Variants in A3GALT2 observed in about 807,000 individuals in gnomAD.
A3GALT2 encodes the protein alpha 1,3-galactosyltransferase 2.
In A3GALT2, 14 loss-of-function variants were observed where a neutral mutation model predicts 16.6. The observed-to-expected ratio is 0.84, with a 90% CI of 0.56 to 1.32. The LOEUF is 1.32. Ranked by LOEUF, A3GALT2 falls within the 40% of genes most tolerant of loss-of-function variation. A3GALT2 has a pLI of 0.00. For synonymous variants in A3GALT2, 253 were observed against 218.0 expected, an observed-to-expected ratio of 1.16 and a Z score of -1.42; for missense variants, 600 against 490.9, an observed-to-expected ratio of 1.22 and a Z score of -2.10.
chr1:33,312,375 T>C (rs1424049016), intron 3 of A3GALT2, 126 bp downstream of exon 3: 2 of 1,294,744 alleles, frequency 1.5e-6, no homozygotes, highest in Non-Finnish European at 2.1e-6. Flanking sequence ...CCGATGGGGC[T>C]GCTGGACTTG....
At chr1:33,308,910 C>T (rs868323161) in intron 4 of A3GALT2, among the ~76,000 whole-genome samples, 1 of 151,810 alleles carries the variant, frequency 6.6e-6, no homozygotes, top group African/African-American at 2.4e-5. Context: ...GCAGAGGACC[C>T]TGCGGCCTTC....
In A3GALT2 at chr1:33,308,461, A is replaced by C. The variant is rs374458638; in HGVS notation, c.336-1008T>G. Among the ~76,000 whole-genome samples the C allele has an allele frequency of 1.1e-4, 16 of 152,266 alleles. No individual in the cohort carries two copies. In the South Asian group the frequency reaches 3.3e-3, roughly 32 times the overall value. On this transcript the variant is annotated intron_variant, in intron 4 of 4. Coordinates refer to ENST00000442999, the MANE Select transcript of A3GALT2 (RefSeq NM_001080438.1). ...GCTCCTGTGGCCCAGGCTGGAGTAC[A>C]GTGGCGCTATCTCAGCTCACTACAA...
chr1:33,307,331 C>A lies in A3GALT2; in HGVS notation c.458G>T (p.Gly153Val). ...CTCCACGGGCAGCCGGCGTCCCGGG[C>A]CCAGCGCCACGCGGGGCACCGCTCC... is the stretch of plus-strand genomic sequence containing the variant. ...LPGAVPRVAL[G>V]PGRRLPVERV... The change falls in exon 5 of 5, where the codon GGC (glycine) becomes GTC (valine). Residue 153 changes from glycine to valine, a missense_variant. By Grantham distance (109) the Gly-to-Val change is moderately radical. Transcript: ENST00000442999. The A allele has an allele frequency of 6.5e-7, 1 of 1,529,598 alleles. No homozygotes were observed. The highest frequency in any genetic ancestry group is 8.7e-7 in the Non-Finnish European group (1 of 1,146,736). 94.8% of individuals were successfully genotyped at this position (1,529,598 alleles called of 1,614,324 possible).
Position 33,312,159 on chromosome 1 carries a change from G to T in A3GALT2, c.228C>A (p.Pro76=), listed in dbSNP as rs370380469. ...WARPEVLTCT[P]WGAPIIWDGS... ...CATCCCAAATAATGGGAGCCCCCCAGGGGGTACAGGTCAGAACTTCAGGCC... is the reference window on the plus strand; with the variant it reads ...CATCCCAAATAATGGGAGCCCCCCATGGGGTACAGGTCAGAACTTCAGGCC... The change falls in exon 4 of 5, where the codon CCC becomes CCA. Residue 76 remains proline (P), a synonymous_variant. Transcript: ENST00000442999. 3.1e-6 allele frequency: 5 copies of T among 1,613,300 alleles called. No individual in the cohort carries two copies. Among genetic ancestry groups the T allele is most frequent in the Non-Finnish European group, 4.2e-6 (5 of 1,179,778 alleles).
chr1:33,310,870 G>A (rs924697653), intron 4 of A3GALT2, among the ~76,000 whole-genome samples: 1 of 152,324 alleles, frequency 6.6e-6, no homozygotes, highest in East Asian at 1.9e-4. Context: ...GAGCACCGAG[G>A]CCTTGGGAGA....
At chr1:33,319,548 C>A (rs556237184) in intron 1 of A3GALT2, among the ~76,000 whole-genome samples, 1 of 152,302 alleles carries the variant, frequency 6.6e-6, no homozygotes, top group South Asian at 2.1e-4. Flanking sequence ...TCATTTTCTT[C>A]CATAAAGGGA....
At chr1:33,313,835 A>T (rs921301039) in intron 1 of A3GALT2, 1 of 152,140 alleles carries the variant, frequency 6.6e-6, no homozygotes, top group East Asian at 1.9e-4. Context: ...CATCTATAGG[A>T]TGGGGTAATA....
intron 4 of A3GALT2, among the ~76,000 whole-genome samples, chr1:33,308,471 T>C (rs1028613659): frequency 1.3e-5 from 2 of 152,142 alleles, no homozygotes; most frequent in Non-Finnish European, 2.9e-5. Flanking sequence ...AGTGGCGCTA[T>C]CTCAGCTCAC....
chr1:33,312,725 A>G, intron 2 of A3GALT2, 82 bp downstream of exon 2: 1 of 1,461,744 alleles, frequency 6.8e-7, no homozygotes, highest in Non-Finnish European at 9.4e-7. Flanking sequence ...ACTGCCCTCC[A>G]TCCCTCAAGG....
Position 33,307,327 on chromosome 1 carries a change from C to G in A3GALT2, c.462G>C (p.Pro154=), listed in dbSNP as rs750621057. ...CGCGCTCCACGGGCAGCCGGCGTCC[C>G]GGGCCCAGCGCCACGCGGGGCACCG... ...PGAVPRVALG[P]GRRLPVERVA... The change falls in exon 5 of 5, where the codon CCG becomes CCC. Residue 154 remains proline (P), a synonymous_variant. Coordinates refer to ENST00000442999, the MANE Select transcript of A3GALT2 (RefSeq NM_001080438.1). 3.3e-6 allele frequency: 5 copies of G among 1,517,102 alleles called. No homozygotes were observed. Among genetic ancestry groups the G allele is most frequent in the Non-Finnish European group, 4.4e-6 (5 of 1,141,912 alleles). The allele number at this position is 1,517,102 out of a possible 1,614,324, so 94.0% of individuals were successfully genotyped here.
intron 1 of A3GALT2, among the ~76,000 whole-genome samples, chr1:33,316,758 C>T (rs1646264093): frequency 6.6e-6 from 1 of 152,176 alleles, no homozygotes; most frequent in South Asian, 2.1e-4. Context: ...GGGGCTGGAG[C>T]CCAGAAGGCA....
chr1:33,310,100 G>A (rs1646226211), intron 4 of A3GALT2, among the ~76,000 whole-genome samples: 1 of 152,262 alleles, frequency 6.6e-6, no homozygotes, highest in African/African-American at 2.4e-5. Context: ...TCAGGAGCTG[G>A]AGACCAGCCC....
Position 33,306,964 on chromosome 1 carries a change from GC to G in A3GALT2, c.824del (p.Gly275AlafsTer?). 3 of 1,501,490 alleles carry G rather than the reference GC, an allele frequency of 2.0e-6. No homozygotes were observed. Among genetic ancestry groups the G allele is most frequent in the South Asian group, 1.3e-5 (1 of 79,868 alleles). 93.0% of individuals were successfully genotyped at this position (1,501,490 alleles called of 1,614,324 possible). A position where few individuals can be genotyped will look rare whatever the true frequency, so the allele number is the denominator to read the frequency against. On this transcript the variant is annotated frameshift_variant, in exon 5 of 5. Transcript: ENST00000442999. LOFTEE classifies it low-confidence loss of function (END_TRUNC). ...GGCCGCGCGCGCGGTCCCAGTCCAGGCCCCCCGCACAGTGCGCCGTCAGCCC... is the reference window on the plus strand; with the variant it reads ...GGCCGCGCGCGCGGTCCCAGTCCAGGCCCCCGCACAGTGCGCCGTCAGCCC... ...LRGLTAHCAG[G>X]LDWDRARGLE...
intron 3 of A3GALT2, 95 bp from the exon 4 acceptor site, chr1:33,312,284 A>G (rs1358142805): frequency 1.3e-6 from 2 of 1,525,386 alleles, no homozygotes; most frequent in African/African-American, 2.7e-5. Context: ...AGCCCTAGGG[A>G]CCCATAGACC....
chr1:33,320,334 T>C lies in A3GALT2; in HGVS notation c.23+742A>G, dbSNP rs1646280086. Reference sequence around the variant, plus strand: ...CCCCCTCTGTGGCTGTCCCACCCTCTTCACCAGCCTCCTCCCAACCAGGGT... The same window carrying C: ...CCCCCTCTGTGGCTGTCCCACCCTCCTCACCAGCCTCCTCCCAACCAGGGT... On this transcript the variant is annotated intron_variant, in intron 1 of 4. Transcript: ENST00000442999. The surrounding 1 kb of genome is among the most constrained non-coding windows in gnomAD (Gnocchi z 4.3). Among the ~76,000 whole-genome samples, 1 of 152,054 alleles carries C rather than the reference T, an allele frequency of 6.6e-6. No individual in the cohort carries two copies. The highest frequency in any genetic ancestry group is 2.1e-4 in the South Asian group (1 of 4,838).
intron 1 of A3GALT2, chr1:33,313,190 T>TG (rs1646244769): frequency 3.8e-6 from 1 of 261,050 alleles, no homozygotes; most frequent in Non-Finnish European, 7.2e-6. Flanking sequence ...TTTTTTTTTT[T>TG]TTTTTTTTTT....
chr1:33,312,310 C>G, intron 3 of A3GALT2, 121 bp from the exon 4 acceptor site: 1 of 1,438,294 alleles, frequency 7.0e-7, no homozygotes, highest in Non-Finnish European at 9.3e-7. Flanking sequence ...GACCTAGTTG[C>G]TGCCCCTGGA....
At chr1:33,314,592 C>CT (rs1267997133) in intron 1 of A3GALT2, 1 of 152,876 alleles carries the variant, frequency 6.5e-6, no homozygotes, top group Non-Finnish European at 1.5e-5. Flanking sequence ...TGGGTGCACC[C>CT]TGACCCCTCC....
chr1:33,307,316 A>T lies in A3GALT2; in HGVS notation c.473T>A (p.Leu158Gln). 1 of 1,501,264 alleles carries T rather than the reference A, an allele frequency of 6.7e-7. No homozygotes were observed. Among genetic ancestry groups the T allele is most frequent in the Non-Finnish European group, 8.8e-7 (1 of 1,135,440 alleles). The allele number at this position is 1,501,264 out of a possible 1,614,324, so 93.0% of individuals were successfully genotyped here. Reference protein sequence around the residue: ...PRVALGPGRRLPVERVARERR... With the variant: ...PRVALGPGRRQPVERVARERR... ...CTCGCGCGCCACGCGCTCCACGGGC[A>T]GCCGGCGTCCCGGGCCCAGCGCCAC... Residue 158 changes from leucine to glutamine, a missense_variant, in exon 5 of 5, where the codon CTG becomes CAG. Coordinates refer to ENST00000442999, the MANE Select transcript of A3GALT2 (RefSeq NM_001080438.1).
Sources: gnomAD v4.1 joint callset for allele counts (sites outside exome capture counted in the v4.1 genomes callset) on GRCh38, gnomAD v4.1.1 for gene constraint, Gnocchi (gnomAD v3.1) non-coding constraint, MANE v1.5 for transcripts, NCBI Gene and HGNC (gene_info 2026-07-23, HGNC 2026-07-21) for gene names.